The following RAD1 variants were observed in gnomAD, a reference collection of about 807,000 sequenced individuals.
RAD1 encodes the protein cell cycle checkpoint protein RAD1.
In RAD1, 21 loss-of-function variants were observed where a neutral mutation model predicts 30.0. That is an observed-to-expected ratio of 0.70 (90% CI 0.50 to 1.01). The LOEUF (loss-of-function observed/expected upper bound fraction) is 1.01, where lower values mean the gene tolerates loss of function less well. RAD1 is among the 50% of genes least tolerant of loss of function. The pLI is 0.00. For missense variants in RAD1, 329 were observed against 329.0 expected (o/e 1.00, Z 0.00); for synonymous variants, 109 against 113.6 (o/e 0.96, Z 0.26).
chr5:34,914,601 C>G, intron 2 of RAD1, 94 bp downstream of exon 2: 1 of 1,153,980 alleles, frequency 8.7e-7, no homozygotes, highest in Non-Finnish European at 1.3e-6. Flanking sequence ...GTTATTATGA[C>G]TATTAAGTTA....
At chr5:34,913,986 G>A (rs1051140912) in intron 2 of RAD1, 4 of 456,724 alleles carry the variant, frequency 8.8e-6, no homozygotes, top group South Asian at 3.1e-5. Context: ...TCGGTCTCCT[G>A]AGCAGCTGGA....
chr5:34,913,972 A>T (rs754528856), intron 2 of RAD1: 2 of 456,962 alleles, frequency 4.4e-6, no homozygotes, highest in South Asian at 3.1e-5. Context: ...TTCGTGCTTC[A>T]GCCTCGGTCT....
At chr5:34,909,411 GATCCAA>G in intron 4 of RAD1, 55 bp from the exon 5 acceptor site, 1 of 1,260,164 alleles carries the variant, frequency 7.9e-7, no homozygotes, top group East Asian at 2.4e-5. Context: ...ACCACATTAG[GATCCAA>G]ATAAAGAAAA....
At chr5:34,909,159 G>T in intron 5 of RAD1, 99 bp downstream of exon 5, 1 of 1,017,114 alleles carries the variant, frequency 9.8e-7, no homozygotes, top group Non-Finnish European at 1.5e-6. Flanking sequence ...AAAATGCTGT[G>T]CATTTTAATT....
intron 4 of RAD1, among the ~76,000 whole-genome samples, chr5:34,910,738 G>T (rs1313840965): frequency 6.6e-6 from 1 of 152,142 alleles, no homozygotes; most frequent in Non-Finnish European, 1.5e-5. Flanking sequence ...AGCCGGGCCT[G>T]TAATTCTTCT....
In RAD1 at chr5:34,907,864, C is replaced by A. The variant is rs978642193; in HGVS notation, c.*901G>T. The A allele has an allele frequency of 6.6e-6, 1 of 152,118 alleles. No individual in the cohort carries two copies. Among genetic ancestry groups the A allele is most frequent in the Non-Finnish European group, 1.5e-5 (1 of 68,032 alleles). The allele number at this position is 152,118 out of a possible 1,614,324, so 9.4% of individuals were successfully genotyped here. Reference sequence around the variant, plus strand: ...CACATGTAAAAGCAATCATCTCATACAATTAAATGCTATTAAAGAAAAAAA... The same window carrying A: ...CACATGTAAAAGCAATCATCTCATAAAATTAAATGCTATTAAAGAAAAAAA... On this transcript the variant is annotated 3_prime_UTR_variant, in exon 6 of 6. Transcript: ENST00000382038.
At chr5:34,909,111 T>C (rs936748710) in intron 5 of RAD1, 147 bp downstream of exon 5, 39 of 855,502 alleles carry the variant, frequency 4.6e-5, no homozygotes, top group Admixed American at 3.1e-4. Flanking sequence ...GAACCCTACA[T>C]CCCCTAGTAA....
chr5:34,913,106 G>A (rs1224900257), intron 3 of RAD1, among the ~76,000 whole-genome samples: 1 of 152,162 alleles, frequency 6.6e-6, no homozygotes, highest in Non-Finnish European at 1.5e-5. Flanking sequence ...ACTGGCTTTT[G>A]TTTTTCTCTG....
intron 2 of RAD1, 29 bp downstream of exon 2, chr5:34,914,666 C>T: frequency 1.2e-6 from 2 of 1,608,264 alleles, no homozygotes; most frequent in Non-Finnish European, 1.7e-6. Flanking sequence ...GTATCTATGG[C>T]ACAGGCTTAA....
rs567873684 is a variant in RAD1 at position 34,913,230 on chromosome 5, T to A, written c.307+240A>T. On this transcript the variant is annotated intron_variant, in intron 3 of 5. Coordinates refer to ENST00000382038, the MANE Select transcript of RAD1 (RefSeq NM_002853.4). ...AAAGTATTCTTTTGGCCAGTTCGAA[T>A]TTACAATCCCTCAAAGCCTTGTAAA... Among the ~76,000 whole-genome samples, 37 of 152,282 alleles carry A rather than the reference T, an allele frequency of 2.4e-4. No individual in the cohort carries two copies. In the South Asian group the frequency reaches 7.3e-3, roughly 30 times the overall value.
chr5:34,911,069 CTTGGTTT>C (rs1763821720), intron 4 of RAD1, among the ~76,000 whole-genome samples: 1 of 152,150 alleles, frequency 6.6e-6, no homozygotes, highest in Admixed American at 6.5e-5. Flanking sequence ...TTGGCTTCAC[CTTGGTTT>C]TAAGCTGTTC....
rs780419693 is a variant in RAD1, at chr5:34,908,745, A to G, written c.*20T>C. Reference sequence around the variant, plus strand: ...TCATCTATCATAAATGTACACATAAATATCAGTGAATTGTCATACTCAAGA... The same window carrying G: ...TCATCTATCATAAATGTACACATAAGTATCAGTGAATTGTCATACTCAAGA... On this transcript the variant is annotated 3_prime_UTR_variant, in exon 6 of 6. Transcript: ENST00000382038. 4 of 1,564,916 alleles carry G rather than the reference A, an allele frequency of 2.6e-6. No homozygotes were observed. The highest frequency in any genetic ancestry group is 3.5e-6 in the Non-Finnish European group (4 of 1,149,920).
Position 34,911,447 on chromosome 5 carries a change from A to C in RAD1, c.566+107T>G, listed in dbSNP as rs1182457735. On this transcript the variant is annotated intron_variant, in intron 4 of 5. Coordinates refer to ENST00000382038, the MANE Select transcript of RAD1 (RefSeq NM_002853.4). ...AGAGTACAAGCTGTCTAAAGTTGTG[A>C]AAACTCTAAAAATGTGGATAATAAA... The C allele has an allele frequency of 5.8e-6, 8 of 1,379,420 alleles. No homozygotes were observed. The East Asian group carries it at 1.8e-4, about 32-fold the overall frequency. The allele number at this position is 1,379,420 out of a possible 1,614,324, so 85.4% of individuals were successfully genotyped here. A position where few individuals can be genotyped will look rare whatever the true frequency, so the allele number is the denominator to read the frequency against.
At chr5:34,913,858 T>C in intron 2 of RAD1, 1 of 481,638 alleles carries the variant, frequency 2.1e-6, no homozygotes, top group Non-Finnish European at 4.0e-6. Context: ...GACTTGATAA[T>C]GCATGAGCAA....
intron 2 of RAD1, chr5:34,914,065 A>G (rs1763952394): frequency 2.2e-6 from 1 of 454,318 alleles, no homozygotes; most frequent in Non-Finnish European, 4.4e-6. Context: ...TTACCTCTCT[A>G]TCCCTGAGAT....
Position 34,911,771 on chromosome 5 carries a change from A to T in RAD1, c.349T>A (p.Tyr117Asn). The T allele has an allele frequency of 7.4e-6, 12 of 1,614,202 alleles. No homozygotes were observed. Among genetic ancestry groups the T allele is most frequent in the Non-Finnish European group, 1.0e-5 (12 of 1,180,022 alleles). Residue 117 changes from tyrosine to asparagine, a missense_variant, in exon 4 of 6, where the codon TAC becomes AAC. Tyr to Asn is a moderately radical substitution (Grantham distance 143, BLOSUM62 -2). Transcript: ENST00000382038. ...ALRMCYQGYG[Y>N]PLMLFLEEGG... ...TCTTCCAGGAACAGCATCAAAGGGT[A>T]ACCATAACCTTGGTAACACATTCGA...
At chr5:34,913,979 G>A in intron 2 of RAD1, 1 of 456,826 alleles carries the variant, frequency 2.2e-6, no homozygotes, top group Non-Finnish European at 4.4e-6. Context: ...TTCAGCCTCG[G>A]TCTCCTGAGC....
chr5:34,911,415 T>C (rs1024833111), intron 4 of RAD1, 139 bp downstream of exon 4: 6 of 1,010,482 alleles, frequency 5.9e-6, no homozygotes, highest in Non-Finnish European at 8.7e-6. Context: ...CATAAAATTA[T>C]GAGGTAAGAG....
chr5:34,909,581 A>AG (rs1345302615), intron 4 of RAD1, among the ~76,000 whole-genome samples: 1 of 152,218 alleles, frequency 6.6e-6, no homozygotes, highest in African/African-American at 2.4e-5. Context: ...GGAAAAGGGT[A>AG]GGGGACACTT....
Sources: allele counts gnomAD v4.1 joint callset (sites outside exome capture counted in the v4.1 genomes callset), GRCh38; gene constraint gnomAD v4.1.1; transcripts MANE v1.5; gene names NCBI Gene and HGNC (gene_info 2026-07-23, HGNC 2026-07-21).